Variants in GRID2 observed in about 807,000 individuals in gnomAD.
The protein encoded by GRID2 is glutamate receptor ionotropic, delta-2.
A neutral mutation model predicts 114.8 loss-of-function variants in GRID2; 33 were observed. The observed-to-expected ratio is 0.29, with a 90% confidence interval of 0.22 to 0.38. The LOEUF (loss-of-function observed/expected upper bound fraction) is 0.38, where lower values mean the gene tolerates loss of function less well. Among genes scored for constraint, GRID2 ranks in the 10% least tolerant of loss-of-function variants. GRID2 has a pLI of 1.00. For synonymous variants in GRID2, 505 were observed against 449.9 expected (o/e 1.12, Z -1.55); for missense variants, 1,184 against 1,257.7 (o/e 0.94, Z 0.89).
chr4:93,150,640 C>G (rs1736648329), intron 4 of GRID2, among the ~76,000 whole-genome samples: 1 of 151,954 alleles, frequency 6.6e-6, no homozygotes, highest in Non-Finnish European at 1.5e-5. Context: ...CACAGAGATG[C>G]AGCTGGTTCC....
intron 2 of GRID2, among the ~76,000 whole-genome samples, chr4:92,734,360 T>C (rs899418783): frequency 6.6e-6 from 1 of 152,000 alleles, no homozygotes; most frequent in Non-Finnish European, 1.5e-5. Flanking sequence ...TTGCTCACTG[T>C]GGCCTCAAAC....
chr4:93,150,972 C>CA (rs1227406078), intron 4 of GRID2, among the ~76,000 whole-genome samples: 3 of 151,220 alleles, frequency 2.0e-5, no homozygotes, highest in Admixed American at 6.6e-5. Flanking sequence ...ACTAAAAATA[C>CA]AAAAAAATTA....
chr4:92,504,800 C>T (rs1723869934), intron 1 of GRID2, among the ~76,000 whole-genome samples: 2 of 151,922 alleles, frequency 1.3e-5, no homozygotes, highest in Admixed American at 6.6e-5. Context: ...TGCTTTTAAA[C>T]TGAAATTTAT....
At chr4:93,000,199 A>C (rs968450230) in intron 2 of GRID2, among the ~76,000 whole-genome samples, 1 of 151,696 alleles carries the variant, frequency 6.6e-6, no homozygotes, top group African/African-American at 2.4e-5. Context: ...AACTTGGGAA[A>C]TAATATATGT....
chr4:92,796,577 A>C (rs1269087651), intron 2 of GRID2, among the ~76,000 whole-genome samples: 1 of 151,902 alleles, frequency 6.6e-6, no homozygotes, highest in Non-Finnish European at 1.5e-5. Flanking sequence ...TTACTAATAA[A>C]TGTTCTTTTT....
At chr4:93,377,377 G>A (rs1412622281) in intron 8 of GRID2, among the ~76,000 whole-genome samples, 5 of 152,116 alleles carry the variant, frequency 3.3e-5, no homozygotes, top group African/African-American at 7.2e-5. Context: ...AGTCAATCAG[G>A]CTGCCTCTTG....
At chr4:93,731,076 G>T (rs180896722) in intron 14 of GRID2, among the ~76,000 whole-genome samples, 23 of 152,326 alleles carry the variant, frequency 1.5e-4, no homozygotes, top group South Asian at 2.1e-4. Context: ...GAAGCAGACT[G>T]CTCAGTAAGT....
chr4:93,317,294 G>A (rs111480805), intron 8 of GRID2, among the ~76,000 whole-genome samples: 2,528 of 149,974 alleles, frequency 0.017, 79 homozygotes, highest in African/African-American at 0.059. Context: ...ATTAGCTTGC[G>A]TATAGAGATT....
At chr4:93,682,461 G>A (rs1236052057) in intron 14 of GRID2, among the ~76,000 whole-genome samples, 1 of 151,764 alleles carries the variant, frequency 6.6e-6, no homozygotes, top group African/African-American at 2.4e-5. Flanking sequence ...AAATCATGCT[G>A]CTATAAAGAC....
chr4:93,437,734 A>T (rs573701393), intron 10 of GRID2, among the ~76,000 whole-genome samples: 1 of 152,226 alleles, frequency 6.6e-6, no homozygotes, highest in East Asian at 1.9e-4. Context: ...CTCCATTTAG[A>T]TGACATTCAG....
At chr4:92,960,968 T>A (rs1029906421) in intron 2 of GRID2, among the ~76,000 whole-genome samples, 3 of 151,886 alleles carry the variant, frequency 2.0e-5, no homozygotes, top group African/African-American at 7.3e-5. Context: ...GCAATATAAA[T>A]TTACAACTAA....
chr4:92,384,685 T>G (rs1729853606), intron 1 of GRID2, among the ~76,000 whole-genome samples: 1 of 110,396 alleles, frequency 9.1e-6, no homozygotes, highest in Non-Finnish European at 1.8e-5. Flanking sequence ...TATATATATA[T>G]AATATATATG....
chr4:92,311,563 A>G (rs147010288), intron 1 of GRID2, among the ~76,000 whole-genome samples: 16 of 152,128 alleles, frequency 1.1e-4, no homozygotes, highest in South Asian at 8.3e-4. Context: ...AGCAATTTGC[A>G]TATGTTTTTC....
At chr4:92,815,047 A>T (rs1740825021) in intron 2 of GRID2, among the ~76,000 whole-genome samples, 1 of 152,128 alleles carries the variant, frequency 6.6e-6, no homozygotes, top group Non-Finnish European at 1.5e-5. Context: ...TGTATTCATA[A>T]TTGGCACAAT....
chr4:93,246,919 C>A (rs992041644), intron 8 of GRID2, among the ~76,000 whole-genome samples: 1 of 152,118 alleles, frequency 6.6e-6, no homozygotes, highest in African/African-American at 2.4e-5. Flanking sequence ...TCTTAGGGAG[C>A]CTATCTGATT....
chr4:92,991,767 C>A (rs1297978239), intron 2 of GRID2, among the ~76,000 whole-genome samples: 2 of 152,144 alleles, frequency 1.3e-5, no homozygotes, highest in African/African-American at 4.8e-5. Context: ...AGACTGACAG[C>A]TGCACCTGCG....
At chr4:93,041,203 A>G (rs1353884122) in intron 2 of GRID2, among the ~76,000 whole-genome samples, 1 of 152,130 alleles carries the variant, frequency 6.6e-6, no homozygotes, top group East Asian at 1.9e-4. Context: ...TTGCATACTG[A>G]TAGTGTATCA....
intron 1 of GRID2, among the ~76,000 whole-genome samples, chr4:92,572,234 A>G (rs1233460281): frequency 1.3e-5 from 2 of 152,244 alleles, no homozygotes; most frequent in Non-Finnish European, 2.9e-5. Context: ...ACAAACTACC[A>G]TCAGATAATA....
intron 13 of GRID2, among the ~76,000 whole-genome samples, chr4:93,595,499 C>G (rs1213361670): frequency 1.3e-5 from 2 of 152,168 alleles, no homozygotes; most frequent in Admixed American, 1.3e-4. Context: ...ATAATACCTA[C>G]TCATGAAGTT....
Sources: gnomAD v4.1 joint callset for allele counts (sites outside exome capture counted in the v4.1 genomes callset) on GRCh38, gnomAD v4.1.1 for gene constraint, MANE v1.5 for transcripts, NCBI Gene and HGNC (gene_info 2026-07-23, HGNC 2026-07-21) for gene names.